MYBL1: variants seen among roughly 807,000 people sequenced by gnomAD.
MYBL1 encodes the protein myb-related protein A.
A neutral mutation model predicts 96.3 loss-of-function variants in MYBL1; 17 were observed. That is an observed-to-expected ratio of 0.18 (90% CI 0.12 to 0.26). MYBL1 has a LOEUF of 0.26. MYBL1 is among the 10% of genes least tolerant of loss of function. The probability of loss-of-function intolerance (pLI) is 1.00; values close to 1 mark genes in which losing one functional copy is unlikely to be tolerated. For missense variants in MYBL1, 701 were observed against 882.9 expected (o/e 0.79, Z 2.61); for synonymous variants, 282 against 292.7 (o/e 0.96, Z 0.37).
chr8:66,592,382 A>T, intron 8 of MYBL1, 58 bp downstream of exon 8: 1 of 1,138,186 alleles, frequency 8.8e-7, no homozygotes, highest in Non-Finnish European at 1.3e-6. Flanking sequence ...GCTGATAAAA[A>T]TGACAAAAAG....
chr8:66,596,606 A>G (rs1410441219), intron 5 of MYBL1, among the ~76,000 whole-genome samples: 1 of 152,190 alleles, frequency 6.6e-6, no homozygotes, highest in African/African-American at 2.4e-5. Context: ...TTTGCTCAGT[A>G]TACTTTCCAA....
In MYBL1 at chr8:66,566,259, GAA is replaced by G. The variant is rs1194490808; in HGVS notation, c.1951-18_1951-17del. 4 of 1,410,188 alleles carry G rather than the reference GAA, an allele frequency of 2.8e-6. No homozygotes were observed. The highest frequency in any genetic ancestry group is 3.8e-6 in the Non-Finnish European group (4 of 1,044,808). The allele number at this position is 1,410,188 out of a possible 1,614,324, so 87.4% of individuals were successfully genotyped here. A position where few individuals can be genotyped will look rare whatever the true frequency, so the allele number is the denominator to read the frequency against. Reference sequence around the variant, plus strand: ...TATTTTCTGACTAAGAGAGAAAAAAGAAAGAGGAAAATAACTAATTCAAAAAT... The same window carrying G: ...TATTTTCTGACTAAGAGAGAAAAAAGAGAGGAAAATAACTAATTCAAAAAT... On this transcript the variant is annotated splice_polypyrimidine_tract_variant and intron_variant, in intron 14 of 15. Transcript: ENST00000522677.
chr8:66,612,976 T>G lies in MYBL1; in HGVS notation c.-138A>C. On this transcript the variant is annotated 5_prime_UTR_variant, in exon 1 of 16. Transcript: ENST00000522677. ...GAGGCGGCCGAGTGCGGAACGCACG[T>G]CCTCGACAGGGCAGGACGGAGGGAC... 5 of 992,128 alleles carry G rather than the reference T, an allele frequency of 5.0e-6. No homozygotes were observed. The highest frequency in any genetic ancestry group is 6.7e-6 in the Non-Finnish European group (5 of 741,644). The allele number at this position is 992,128 out of a possible 1,614,324, so 61.5% of individuals were successfully genotyped here.
At chr8:66,570,450 C>G (rs954577369) in intron 12 of MYBL1, among the ~76,000 whole-genome samples, 1 of 152,132 alleles carries the variant, frequency 6.6e-6, no homozygotes, top group Non-Finnish European at 1.5e-5. Flanking sequence ...TACTACCACA[C>G]CCAGCTATCA....
intron 1 of MYBL1, among the ~76,000 whole-genome samples, chr8:66,603,715 G>A (rs1810198266): frequency 6.6e-6 from 1 of 151,842 alleles, no homozygotes; most frequent in Non-Finnish European, 1.5e-5. Context: ...CGCAATGCTG[G>A]TCTTGAACTC....
At chr8:66,566,446 G>A (rs1031345665) in intron 14 of MYBL1, among the ~76,000 whole-genome samples, 6 of 151,874 alleles carry the variant, frequency 4.0e-5, no homozygotes, top group African/African-American at 1.4e-4. Context: ...TGAGAACTAC[G>A]ATTTTTTGAC....
chr8:66,586,273 T>G (rs1039078330), intron 8 of MYBL1, among the ~76,000 whole-genome samples: 5 of 152,084 alleles, frequency 3.3e-5, no homozygotes, highest in Non-Finnish European at 5.9e-5. Context: ...CTCGAACTCA[T>G]GAGCTCAAGC....
rs369090937 is a variant in MYBL1, at chr8:66,580,273, A to G, written c.961T>C (p.Phe321Leu). 71 of 1,613,704 alleles carry G rather than the reference A, an allele frequency of 4.4e-5. No individual in the cohort carries two copies. Among genetic ancestry groups the G allele is most frequent in the Non-Finnish European group, 5.7e-5 (67 of 1,179,812 alleles). The stretch of plus-strand genomic sequence containing the variant: ...GGCTGATTTTCATCCATACTGTAAA[A>G]CTCACTAGTGTGCTCGTCAAGGCTA... The part of the protein sequence containing the change: ...LNSLDEHTSE[F>L]YSMDENQPVS... The change falls in exon 9 of 16, where the codon TTT becomes CTT. Residue 321 changes from phenylalanine to leucine, a missense_variant. Phe to Leu is a conservative substitution (Grantham distance 22). Around this residue, in one of 5 missense-constraint regions of MYBL1, gnomAD observed 396 missense variants for 407.4 expected, o/e 0.97. Transcript: ENST00000522677.
chr8:66,572,568 T>C lies in MYBL1; in HGVS notation c.1642A>G (p.Ile548Val). Residue 548 changes from isoleucine (I) to valine (V), a missense_variant, in exon 12 of 16, where the codon ATA becomes GTA. Ile to Val is a conservative substitution (Grantham distance 29). Around this residue, in one of 5 missense-constraint regions of MYBL1, gnomAD observed 63 missense variants for 109.2 expected, o/e 0.58. Coordinates refer to ENST00000522677, the MANE Select transcript of MYBL1 (RefSeq NM_001080416.4). ...GFRTPTIRRS[I>V]LGTTPRTPTP... ...GGAGTTCTTGGTGTGGTACCCAGTA[T>C]AGATCTTCTAATAGTAGGTGTTCTA... The C allele has an allele frequency of 6.3e-7, 1 of 1,588,280 alleles. No individual in the cohort carries two copies. Among genetic ancestry groups the C allele is most frequent in the African/African-American group, 1.3e-5 (1 of 74,600 alleles).
At chr8:66,584,845 T>A (rs1379043473) in intron 8 of MYBL1, among the ~76,000 whole-genome samples, 1 of 151,744 alleles carries the variant, frequency 6.6e-6, no homozygotes, top group Non-Finnish European at 1.5e-5. Context: ...GGTAAAAGAT[T>A]TCTACAAGAA....
chr8:66,581,566 C>T (rs112943159), intron 8 of MYBL1, among the ~76,000 whole-genome samples: 3,178 of 152,126 alleles, frequency 0.021, 72 homozygotes, highest in South Asian at 0.047. Flanking sequence ...AGTCCCAGAA[C>T]TCGAGAGGCT....
intron 1 of MYBL1, among the ~76,000 whole-genome samples, chr8:66,609,390 T>C (rs1207496763): frequency 6.6e-6 from 1 of 151,866 alleles, no homozygotes; most frequent in Non-Finnish European, 1.5e-5. Flanking sequence ...ATATTTTTAA[T>C]CACAAATTAA....
Position 66,597,377 on chromosome 8 carries a change from C to T in MYBL1, c.465G>A (p.Lys155=). 1 of 1,611,262 alleles carries T rather than the reference C, an allele frequency of 6.2e-7. No homozygotes were observed. The highest frequency in any genetic ancestry group is 8.5e-7 in the Non-Finnish European group (1 of 1,178,500). The part of the protein sequence containing the change: ...EEDRIIYEAH[K]RLGNRWAEIA... ...TTTCTGCCCAACGATTTCCCAACCGCTTATGTGCTTCATAGATGATCCTGT... is the reference window on the plus strand; with the variant it reads ...TTTCTGCCCAACGATTTCCCAACCGTTTATGTGCTTCATAGATGATCCTGT... The change falls in exon 5 of 16, where the codon AAG becomes AAA. Residue 155 remains lysine (K), a synonymous_variant. Transcript: ENST00000522677.
chr8:66,576,700 AT>A (rs1808964905), intron 9 of MYBL1, among the ~76,000 whole-genome samples: 1 of 152,252 alleles, frequency 6.6e-6, no homozygotes, highest in African/African-American at 2.4e-5. Flanking sequence ...TCTACTGCAC[AT>A]CAGGAAGACA....
chr8:66,579,732 C>T (rs188733585), intron 9 of MYBL1, among the ~76,000 whole-genome samples: 1 of 151,006 alleles, frequency 6.6e-6, no homozygotes, highest in Non-Finnish European at 1.5e-5. Flanking sequence ...AAAAAATCCA[C>T]AAATATAATA....
chr8:66,571,607 C>T (rs994740025), intron 12 of MYBL1, among the ~76,000 whole-genome samples: 13 of 152,100 alleles, frequency 8.5e-5, no homozygotes, highest in African/African-American at 2.7e-4. Flanking sequence ...TCCGACAGGG[C>T]GCAGTGGCTC....
intron 8 of MYBL1, among the ~76,000 whole-genome samples, chr8:66,587,031 GAGA>G (rs1352623635): frequency 2.0e-5 from 3 of 152,070 alleles, no homozygotes; most frequent in Non-Finnish European, 4.4e-5. Context: ...GCTACTAGAG[GAGA>G]AGAAGGGGAG....
chr8:66,572,082 G>T (rs1280187327), intron 12 of MYBL1, among the ~76,000 whole-genome samples: 2 of 151,704 alleles, frequency 1.3e-5, no homozygotes, highest in Admixed American at 1.3e-4. Flanking sequence ...GCCGAGGTGG[G>T]GGGGAGGGGG....
chr8:66,607,555 C>G (rs1349406044), intron 1 of MYBL1, among the ~76,000 whole-genome samples: 6 of 152,140 alleles, frequency 3.9e-5, no homozygotes, highest in Non-Finnish European at 8.8e-5. Context: ...TTATCTCACT[C>G]CTTTCCAACC....
Sources: allele counts gnomAD v4.1 joint callset (sites outside exome capture counted in the v4.1 genomes callset), GRCh38; gene constraint gnomAD v4.1.1; regional missense constraint gnomAD v4.1.1; transcripts MANE v1.5; gene names NCBI Gene and HGNC (gene_info 2026-07-23, HGNC 2026-07-21).